ERC2: variants seen among roughly 807,000 people sequenced by gnomAD.
ERC2 encodes ERC protein 2.
In ERC2, 42 loss-of-function variants were observed where a neutral mutation model predicts 114.8. That is an observed-to-expected ratio of 0.37 (90% confidence interval 0.29 to 0.47). ERC2 has a LOEUF of 0.47. Ranked by LOEUF, ERC2 falls within the 20% of genes least tolerant of loss-of-function variation. The pLI is 0.99. For missense variants in ERC2, 939 were observed against 1,150.7 expected (o/e 0.82, Z 2.66); for synonymous variants, 454 against 425.5 (o/e 1.07, Z -0.82).
chr3:55,807,699 TG>T (rs2059544470), intron 14 of ERC2, among the ~76,000 whole-genome samples: 1 of 152,212 alleles, frequency 6.6e-6, no homozygotes, highest in Non-Finnish European at 1.5e-5. Flanking sequence ...CCTGGATTTA[TG>T]ATGGATAACG....
At chr3:56,076,003 C>G (rs1206115266) in intron 7 of ERC2, among the ~76,000 whole-genome samples, 3 of 152,064 alleles carry the variant, frequency 2.0e-5, no homozygotes, top group Admixed American at 2.0e-4. Context: ...AGAATTTTCA[C>G]CACCATACTT....
intron 14 of ERC2, among the ~76,000 whole-genome samples, chr3:55,803,773 T>A (rs549556856): frequency 6.6e-6 from 1 of 152,316 alleles, no homozygotes; most frequent in African/African-American, 2.4e-5. Context: ...TGTTATGCTA[T>A]CTCCATCATG....
At chr3:55,540,903 T>C (rs1185982204) in intron 17 of ERC2, among the ~76,000 whole-genome samples, 1 of 152,162 alleles carries the variant, frequency 6.6e-6, no homozygotes, top group South Asian at 2.1e-4. Flanking sequence ...TACTTCCCAG[T>C]CACTGCAAGA....
At chr3:56,299,131 G>GTTTTTTTTTTTTTTTT (rs2055680582) in intron 2 of ERC2, among the ~76,000 whole-genome samples, 1 of 63,254 alleles carries the variant, frequency 1.6e-5, no homozygotes. Flanking sequence ...TTTTTTTTTT[G>GTTTTTTTTTTTTTTTT]TTTGTTTGTT....
intron 7 of ERC2, among the ~76,000 whole-genome samples, chr3:56,072,845 G>C (rs2149735310): frequency 6.6e-6 from 1 of 152,236 alleles, no homozygotes; most frequent in South Asian, 2.1e-4. Flanking sequence ...GTCTCAATCA[G>C]ATGCTTTATT....
At chr3:56,304,928 C>T (rs1046238713) in intron 2 of ERC2, among the ~76,000 whole-genome samples, 6 of 152,042 alleles carry the variant, frequency 3.9e-5, no homozygotes, top group South Asian at 2.1e-4. Context: ...AATAAAATTA[C>T]GCTATTATAA....
At chr3:55,819,946 G>T (rs1424373530) in intron 14 of ERC2, among the ~76,000 whole-genome samples, 1 of 152,172 alleles carries the variant, frequency 6.6e-6, no homozygotes, top group African/African-American at 2.4e-5. Context: ...TGCAATGGAG[G>T]GGGGTTCCCA....
At chr3:55,658,701 A>G (rs1002943913) in intron 17 of ERC2, 1 of 152,726 alleles carries the variant, frequency 6.5e-6, no homozygotes, top group Non-Finnish European at 1.5e-5. Flanking sequence ...TTGCAGAGCC[A>G]CATAATCAGA....
intron 5 of ERC2, among the ~76,000 whole-genome samples, chr3:56,141,107 C>A (rs191896521): frequency 6.6e-6 from 1 of 152,348 alleles, no homozygotes; most frequent in African/African-American, 2.4e-5. Flanking sequence ...GCCAACCACT[C>A]CACCTCTTCA....
intron 13 of ERC2, among the ~76,000 whole-genome samples, chr3:55,917,482 C>A (rs901457155): frequency 6.6e-6 from 1 of 151,966 alleles, no homozygotes; most frequent in African/African-American, 2.4e-5. Flanking sequence ...GAAAAAGAAG[C>A]CAGATACAAA....
intron 17 of ERC2, among the ~76,000 whole-genome samples, chr3:55,552,427 C>T (rs188957956): frequency 5.4e-4 from 82 of 152,292 alleles, no homozygotes; most frequent in African/African-American, 1.9e-3. Context: ...CTTCCTCCCC[C>T]TCATTCTTCC....
intron 3 of ERC2, among the ~76,000 whole-genome samples, chr3:56,217,514 C>T (rs2049572124): frequency 6.6e-6 from 1 of 152,164 alleles, no homozygotes; most frequent in Non-Finnish European, 1.5e-5. Flanking sequence ...GAAGAATATT[C>T]CATGCTCATG....
At chr3:56,313,037 T>TATATATAC (rs2056680454) in intron 2 of ERC2, among the ~76,000 whole-genome samples, 1 of 130,238 alleles carries the variant, frequency 7.7e-6, no homozygotes, top group South Asian at 2.6e-4. Context: ...TATATATATA[T>TATATATAC]GGGGTGGGAG....
At chr3:56,454,842 G>A (rs1360096491) in intron 1 of ERC2, among the ~76,000 whole-genome samples, 3 of 114,240 alleles carry the variant, frequency 2.6e-5, no homozygotes, top group African/African-American at 1.1e-4. Flanking sequence ...TTGGGCAACA[G>A]AGTGAGACTC....
At chr3:55,758,792 CAAG>C (rs1478979812) in intron 14 of ERC2, among the ~76,000 whole-genome samples, 3 of 152,118 alleles carry the variant, frequency 2.0e-5, no homozygotes, top group Admixed American at 2.0e-4. Context: ...TAACGTTTTC[CAAG>C]AAGGTTATGG....
At chr3:55,834,307 A>AT (rs1188602679) in intron 14 of ERC2, among the ~76,000 whole-genome samples, 12 of 151,986 alleles carry the variant, frequency 7.9e-5, no homozygotes, top group Admixed American at 7.2e-4. Context: ...CAGAATATAC[A>AT]TTTTTTTCAG....
At chr3:55,709,490 G>A (rs528432234) in intron 15 of ERC2, among the ~76,000 whole-genome samples, 37 of 152,266 alleles carry the variant, frequency 2.4e-4, no homozygotes, top group African/African-American at 8.7e-4. Context: ...AGAAGGGAAG[G>A]GTAAAGCAAA....
intron 17 of ERC2, among the ~76,000 whole-genome samples, chr3:55,680,550 C>G (rs1576103138): frequency 6.6e-6 from 1 of 152,182 alleles, no homozygotes; most frequent in African/African-American, 2.4e-5. Context: ...TGAGGAGCTG[C>G]TTTTTCTGCA....
At chr3:55,956,060 C>T (rs1411342900) in intron 12 of ERC2, among the ~76,000 whole-genome samples, 1 of 152,232 alleles carries the variant, frequency 6.6e-6, no homozygotes, top group Non-Finnish European at 1.5e-5. Flanking sequence ...CACTCTTTCA[C>T]TCTTAGCTTA....
Sources: gnomAD v4.1 joint callset for allele counts (sites outside exome capture counted in the v4.1 genomes callset) on GRCh38, gnomAD v4.1.1 for gene constraint, MANE v1.5 for transcripts, NCBI Gene and HGNC (gene_info 2026-07-23, HGNC 2026-07-21) for gene names.